Variants in DMD observed in about 807,000 individuals in gnomAD.
DMD encodes the protein dystrophin.
DMD carries 63 observed loss-of-function variants against 330.1 expected under a neutral mutation model. The ratio of observed to expected loss-of-function variants is 0.19; its 90% CI spans 0.16 to 0.24. DMD has a LOEUF of 0.24. Ranked by LOEUF, DMD falls within the 10% of genes least tolerant of loss-of-function variation. DMD has a pLI of 1.00. For missense variants in DMD, 3,344 were observed against 2,684.1 expected (o/e 1.25, Z -5.43); for synonymous variants, 1,223 against 959.8 (o/e 1.27, Z -5.07).
At chrX:32,023,180 T>C (rs2095820144) in intron 44 of DMD, among the ~76,000 whole-genome samples, 1 of 111,334 alleles carries the variant, frequency 9.0e-6, no homozygotes, top group Non-Finnish European at 1.9e-5. Context: ...TTCGGAAAAA[T>C]TTCTAACTTA....
chrX:33,249,998 A>G (rs1250411952), intron 1 of DMD, among the ~76,000 whole-genome samples: 1 of 105,519 alleles, frequency 9.5e-6, no homozygotes, highest in Non-Finnish European at 1.9e-5. Flanking sequence ...TGGATATTAT[A>G]CTGCTAACAT....
chrX:32,346,019 C>G lies in DMD; in HGVS notation c.5510G>C (p.Arg1837Thr), dbSNP rs777546204. ...LLQRGDNLQQ[R>T]ITDERKREEI... Reference sequence around the variant, plus strand: ...CTCTCGCTTTCTCTCATCTGTGATTCTTTGTTGTAAGTTGTCTCCTCTTTG... The same window carrying G: ...CTCTCGCTTTCTCTCATCTGTGATTGTTTGTTGTAAGTTGTCTCCTCTTTG... Residue 1837 changes from arginine (R) to threonine (T), a missense_variant, in exon 39 of 79, where the codon AGA becomes ACA. Arg to Thr is a moderately conservative substitution (Grantham distance 71, BLOSUM62 -1). Transcript: ENST00000357033. 2.8e-5 allele frequency: 34 copies of G among 1,207,627 alleles called. No homozygotes were observed. The highest frequency in any genetic ancestry group is 3.1e-5 in the Non-Finnish European group (28 of 893,746).
chrX:33,208,884 A>C (rs937074720), intron 1 of DMD, among the ~76,000 whole-genome samples: 1 of 111,546 alleles, frequency 9.0e-6, no homozygotes, highest in African/African-American at 3.2e-5. Flanking sequence ...TTGATGAAAG[A>C]TAATAAAATA....
At chrX:31,788,682 A>G (rs2091429388) in intron 50 of DMD, among the ~76,000 whole-genome samples, 1 of 111,053 alleles carries the variant, frequency 9.0e-6, no homozygotes, top group South Asian at 3.8e-4. Flanking sequence ...GTCCCCTACT[A>G]TTATTGTACT....
At chrX:33,016,762 T>C (rs12689442) in intron 2 of DMD, among the ~76,000 whole-genome samples, 2 of 111,686 alleles carry the variant, frequency 1.8e-5, no homozygotes, top group Non-Finnish European at 3.8e-5. Context: ...GCAGTAAATA[T>C]TTTTTCCCAT....
chrX:33,234,275 A>C (rs1437333143), intron 1 of DMD, among the ~76,000 whole-genome samples: 7 of 112,072 alleles, frequency 6.2e-5, no homozygotes, highest in Admixed American at 4.8e-4. Flanking sequence ...ATTTTAGATC[A>C]TATGGTCTTG....
chrX:33,184,408 T>C (rs1009148114), intron 1 of DMD, among the ~76,000 whole-genome samples: 4 of 111,574 alleles, frequency 3.6e-5, no homozygotes, highest in Non-Finnish European at 5.6e-5. Flanking sequence ...TTTTGAAATA[T>C]AAGGCACATT....
At chrX:32,645,860 C>G (rs1466289828) in intron 9 of DMD, among the ~76,000 whole-genome samples, 2 of 112,202 alleles carry the variant, frequency 1.8e-5, no homozygotes, top group Non-Finnish European at 3.8e-5. Flanking sequence ...GAATTTCCGT[C>G]TGGACCCTAA....
At chrX:31,860,452 CA>C (rs2093681118) in intron 48 of DMD, among the ~76,000 whole-genome samples, 1 of 111,710 alleles carries the variant, frequency 9.0e-6, no homozygotes, top group Middle Eastern at 4.7e-3. Flanking sequence ...AAGAATAAAA[CA>C]AATAGCAGTG....
At chrX:31,244,373 T>A (rs1365754469) in intron 63 of DMD, among the ~76,000 whole-genome samples, 1 of 112,100 alleles carries the variant, frequency 8.9e-6, no homozygotes, top group African/African-American at 3.2e-5. Flanking sequence ...TAACTGACTG[T>A]CTGTTTTTGA....
chrX:32,565,530 C>T (rs141160699), intron 16 of DMD, among the ~76,000 whole-genome samples, 172 bp downstream of exon 16: 292 of 111,748 alleles, frequency 2.6e-3, no homozygotes, highest in African/African-American at 9.2e-3. Flanking sequence ...CACTCTACCT[C>T]ACCACCATTC....
chrX:31,832,503 A>G (rs1185914379), intron 49 of DMD, among the ~76,000 whole-genome samples: 17 of 112,036 alleles, frequency 1.5e-4, no homozygotes, highest in Non-Finnish European at 1.9e-5. Flanking sequence ...TTTGCAGTTC[A>G]TATCTGAGGA....
chrX:32,255,989 C>T (rs1383447804), intron 43 of DMD, among the ~76,000 whole-genome samples: 2 of 111,179 alleles, frequency 1.8e-5, no homozygotes, highest in Non-Finnish European at 3.8e-5. Flanking sequence ...ATAACAGATT[C>T]ACGTACTATG....
intron 33 of DMD, among the ~76,000 whole-genome samples, chrX:32,382,541 G>A (rs1411308493): frequency 1.8e-5 from 2 of 110,484 alleles, no homozygotes; most frequent in Non-Finnish European, 3.8e-5. Context: ...TTTTCTTTAG[G>A]AGAGGTGTGC....
At chrX:32,506,779 C>T (rs1417508861) in intron 18 of DMD, among the ~76,000 whole-genome samples, 1 of 111,476 alleles carries the variant, frequency 9.0e-6, no homozygotes, top group African/African-American at 3.3e-5. Context: ...GCAGGTAAAA[C>T]TTCTGAGTTG....
At chrX:31,528,203 C>T (rs141039562) in intron 55 of DMD, among the ~76,000 whole-genome samples, 58 of 94,275 alleles carry the variant, frequency 6.2e-4, no homozygotes, top group African/African-American at 2.3e-3. Context: ...TAGGTTGTAA[C>T]AGTGCATTAA....
At chrX:31,895,347 A>C (rs908879299) in intron 47 of DMD, among the ~76,000 whole-genome samples, 3 of 112,139 alleles carry the variant, frequency 2.7e-5, no homozygotes, top group Non-Finnish European at 5.6e-5. Context: ...GAAGAAAGAG[A>C]TCTTATGACT....
At chrX:32,760,385 T>G (rs1355979829) in intron 7 of DMD, among the ~76,000 whole-genome samples, 2 of 112,003 alleles carry the variant, frequency 1.8e-5, no homozygotes, top group Non-Finnish European at 3.8e-5. Flanking sequence ...CTATCTCTCT[T>G]CACCTTCCAG....
At position 32,456,689 on chromosome X, in the gene DMD, A is replaced by C. The variant is rs140254243; in HGVS notation, c.3433-1857T>G. 2.5e-4 allele frequency among the ~76,000 whole-genome samples: 27 copies of C among 107,049 alleles called. No homozygotes were observed. In the East Asian group the frequency reaches 6.9e-3, roughly 27 times the overall value. 93.0% of individuals were successfully genotyped at this position (107,049 alleles called of 115,157 possible). On this transcript the variant is annotated intron_variant, in intron 25 of 78. Transcript: ENST00000357033. The stretch of plus-strand genomic sequence containing the variant: ...GGATCCTGGAAATTTTGAAGGCAAA[A>C]ACGACAGCATTTGGTGATAGATTTG...
Sources: allele counts gnomAD v4.1 joint callset (sites outside exome capture counted in the v4.1 genomes callset), GRCh38; gene constraint gnomAD v4.1.1; transcripts MANE v1.5; gene names NCBI Gene and HGNC (gene_info 2026-07-23, HGNC 2026-07-21).